The following NRXN3 variants were observed in gnomAD, a reference collection of about 807,000 sequenced individuals.
NRXN3 encodes neurexin 3.
NRXN3 carries 32 observed loss-of-function variants against 137.6 expected under a neutral mutation model. That is an observed-to-expected ratio of 0.23 (90% CI 0.18 to 0.31). NRXN3 has a LOEUF of 0.31. NRXN3 is among the 10% of genes least tolerant of loss of function. The probability of loss-of-function intolerance (pLI) is 1.00; values close to 1 mark genes in which losing one functional copy is unlikely to be tolerated. For missense variants in NRXN3, 1,574 were observed against 2,062.5 expected (o/e 0.76, Z 4.59); for synonymous variants, 798 against 784.5 (o/e 1.02, Z -0.29).
At chr14:78,870,940 T>C (rs1442666823) in intron 10 of NRXN3, among the ~76,000 whole-genome samples, 1 of 151,664 alleles carries the variant, frequency 6.6e-6, no homozygotes, top group African/African-American at 2.4e-5. Flanking sequence ...ATATGTACTT[T>C]ATTTTCTTTA....
intron 15 of NRXN3, among the ~76,000 whole-genome samples, chr14:79,048,636 T>C (rs200262098): frequency 8.2e-4 from 109 of 133,586 alleles, no homozygotes; most frequent in African/African-American, 2.8e-3. Flanking sequence ...TTTTTTTTTT[T>C]ATTTTTTGCT....
chr14:79,806,335 A>G (rs1050554972), intron 20 of NRXN3, among the ~76,000 whole-genome samples: 7 of 152,146 alleles, frequency 4.6e-5, no homozygotes, highest in African/African-American at 1.4e-4. Context: ...AAGATTTCAA[A>G]TCTGTTGAAG....
intron 20 of NRXN3, among the ~76,000 whole-genome samples, chr14:79,806,895 G>C (rs1603548427): frequency 8.1e-6 from 1 of 122,708 alleles, no homozygotes; most frequent in South Asian, 2.7e-4. Flanking sequence ...CATTAAATTA[G>C]CTTGTTTTGT....
At chr14:78,423,325 C>G (rs1002707133) in intron 4 of NRXN3, among the ~76,000 whole-genome samples, 16 of 152,160 alleles carry the variant, frequency 1.1e-4, no homozygotes, top group African/African-American at 3.9e-4. Context: ...CAACCTCTCA[C>G]CTAATTTTTT....
At chr14:79,010,201 T>C (rs1009314686) in intron 15 of NRXN3, among the ~76,000 whole-genome samples, 2 of 152,176 alleles carry the variant, frequency 1.3e-5, no homozygotes, top group Admixed American at 1.3e-4. Context: ...TGGTCCAAGG[T>C]AGTCTCTAAA....
At chr14:79,723,595 T>C (rs146142722) in intron 19 of NRXN3, among the ~76,000 whole-genome samples, 190 of 152,240 alleles carry the variant, frequency 1.2e-3, no homozygotes, top group African/African-American at 4.5e-3. Flanking sequence ...CACTCTTTTG[T>C]GGATGTGTGT....
chr14:79,710,124 A>C (rs1421592928), intron 19 of NRXN3, among the ~76,000 whole-genome samples: 1 of 152,172 alleles, frequency 6.6e-6, no homozygotes, highest in Non-Finnish European at 1.5e-5. Flanking sequence ...AAAATAATAG[A>C]TGCCTCCATC....
chr14:79,187,012 G>A (rs1410362609), intron 15 of NRXN3, among the ~76,000 whole-genome samples: 3 of 152,120 alleles, frequency 2.0e-5, no homozygotes, highest in African/African-American at 4.8e-5. Flanking sequence ...ATAAACATCT[G>A]GACAGATTCC....
chr14:78,528,754 C>A lies in NRXN3; in HGVS notation c.758-116366C>A, dbSNP rs74064311. ...TGAGTGAGGCAGAGTCGTGCAAGTA[C>A]AGATTTGGGGTCCTATCTTTATTTA... On this transcript the variant is annotated intron_variant, in intron 4 of 20. Transcript: ENST00000335750. 4.6e-5 allele frequency among the ~76,000 whole-genome samples: 7 copies of A among 152,224 alleles called. No homozygotes were observed. The East Asian group carries it at 1.2e-3, about 25-fold the overall frequency.
At chr14:78,259,912 A>G (rs1246581520) in intron 2 of NRXN3, among the ~76,000 whole-genome samples, 18 of 152,158 alleles carry the variant, frequency 1.2e-4, no homozygotes, top group Admixed American at 1.0e-3. Context: ...AGGAGGGGCA[A>G]CGCCTTCATT....
rs140459408 is a variant in NRXN3 at position 78,486,709 on chromosome 14, A to T, written c.758-158411A>T. 7.6e-4 allele frequency among the ~76,000 whole-genome samples: 116 copies of T among 152,270 alleles called. No individual in the cohort carries two copies. In the East Asian group the frequency reaches 0.019, roughly 24 times the overall value. On this transcript the variant is annotated intron_variant, in intron 4 of 20. Coordinates refer to ENST00000335750, the MANE Select transcript of NRXN3 (RefSeq NM_001330195.2). ...CCTTGTCCTCAGTAGCTTATTAGAG[A>T]TAACTACATCACATAAGCTCTGTCC... is the stretch of plus-strand genomic sequence containing the variant.
At chr14:78,525,855 T>C (rs2096370818) in intron 4 of NRXN3, among the ~76,000 whole-genome samples, 1 of 152,210 alleles carries the variant, frequency 6.6e-6, no homozygotes, top group Admixed American at 6.5e-5. Context: ...TTTTAATTTC[T>C]CTAGGTCCTG....
At chr14:78,893,426 C>A (rs73323314) in intron 10 of NRXN3, among the ~76,000 whole-genome samples, 6,859 of 151,958 alleles carry the variant, frequency 0.045, 305 homozygotes, top group African/African-American at 0.12. Flanking sequence ...AGAGTCCATG[C>A]CGAATCTCCT....
chr14:78,271,320 G>A (rs1388754404), intron 2 of NRXN3, among the ~76,000 whole-genome samples: 1 of 152,082 alleles, frequency 6.6e-6, no homozygotes, highest in African/African-American at 2.4e-5. Context: ...CATGCTTCTG[G>A]CAGAACTGGC....
intron 8 of NRXN3, among the ~76,000 whole-genome samples, chr14:78,752,024 C>A (rs183891883): frequency 3.3e-5 from 5 of 152,128 alleles, no homozygotes; most frequent in African/African-American, 1.2e-4. Context: ...CAGCAGAAAC[C>A]GAAGTCACCA....
intron 14 of NRXN3, among the ~76,000 whole-genome samples, chr14:78,978,061 G>C (rs1158174497): frequency 6.6e-6 from 1 of 152,116 alleles, no homozygotes; most frequent in African/African-American, 2.4e-5. Context: ...GGGTTGAAGT[G>C]GTTGAAGAGA....
At chr14:78,994,341 T>C (rs257206) in intron 15 of NRXN3, among the ~76,000 whole-genome samples, 26,050 of 152,146 alleles carry the variant, frequency 0.17, 6,139 homozygotes, top group African/African-American at 0.53. Context: ...TTGACATTTT[T>C]GCCCTGCTTT....
chr14:78,391,370 T>C (rs180816095), intron 4 of NRXN3, among the ~76,000 whole-genome samples: 4 of 137,434 alleles, frequency 2.9e-5, no homozygotes, highest in African/African-American at 8.5e-5. Flanking sequence ...CTTCATGACC[T>C]TTTTTGTGGC....
chr14:78,497,677 G>T (rs997525276), intron 4 of NRXN3, among the ~76,000 whole-genome samples: 1 of 151,934 alleles, frequency 6.6e-6, no homozygotes, highest in African/African-American at 2.4e-5. Context: ...CATTTTTAAA[G>T]GGACTATTTT....
Sources: gnomAD v4.1 joint callset for allele counts (sites outside exome capture counted in the v4.1 genomes callset) on GRCh38, gnomAD v4.1.1 for gene constraint, MANE v1.5 for transcripts, NCBI Gene and HGNC (gene_info 2026-07-23, HGNC 2026-07-21) for gene names.